Variants in ATP6V0E1 observed in about 807,000 individuals in gnomAD.
ATP6V0E1 encodes V-type proton ATPase subunit e 1.
A neutral mutation model predicts 11.6 loss-of-function variants in ATP6V0E1; 4 were observed. That is an observed-to-expected ratio of 0.35 (90% CI 0.17 to 0.79). ATP6V0E1 has a LOEUF of 0.79. Ranked by LOEUF, ATP6V0E1 falls within the 30% of genes least tolerant of loss-of-function variation. ATP6V0E1 has a pLI of 0.54. For missense variants in ATP6V0E1, 105 were observed against 100.0 expected (o/e 1.05, Z -0.21); for synonymous variants, 36 against 34.8 (o/e 1.04, Z -0.13).
chr5:172,992,016 T>G (rs77509839), intron 1 of ATP6V0E1, among the ~76,000 whole-genome samples: 1 of 135,904 alleles, frequency 7.4e-6, no homozygotes, highest in Non-Finnish European at 1.5e-5. Context: ...CTGTCTGTCT[T>G]TCTGTCTTTC....
chr5:172,999,918 A>C (rs1756125960), intron 2 of ATP6V0E1, among the ~76,000 whole-genome samples: 1 of 152,162 alleles, frequency 6.6e-6, no homozygotes, highest in African/African-American at 2.4e-5. Flanking sequence ...ATGATATCTG[A>C]GTGAAAAATG....
chr5:173,027,728 A>G (rs1448823797), intron 3 of ATP6V0E1, among the ~76,000 whole-genome samples: 2 of 152,128 alleles, frequency 1.3e-5, no homozygotes, highest in Non-Finnish European at 2.9e-5. Context: ...TGCTGGGATT[A>G]CAGGCATGAG....
At chr5:173,019,521 T>G (rs1756449957) in intron 2 of ATP6V0E1, among the ~76,000 whole-genome samples, 1 of 151,384 alleles carries the variant, frequency 6.6e-6, no homozygotes, top group Non-Finnish European at 1.5e-5. Context: ...ACCACTGCAG[T>G]CTGGACTGGG....
intron 3 of ATP6V0E1, among the ~76,000 whole-genome samples, chr5:173,031,753 G>A (rs1188381647): frequency 2.0e-5 from 3 of 151,484 alleles, no homozygotes; most frequent in Non-Finnish European, 4.4e-5. Context: ...TGGGAGGCAG[G>A]GCTTGCAGTG....
At chr5:173,021,293 A>ATCTGTG (rs1175414352) in intron 3 of ATP6V0E1, among the ~76,000 whole-genome samples, 3 of 151,842 alleles carry the variant, frequency 2.0e-5, no homozygotes, top group African/African-American at 7.3e-5. Context: ...AGACATACCC[A>ATCTGTG]AGACTGGGTA....
Position 172,983,910 on chromosome 5 carries a change from G to A in ATP6V0E1, c.50G>A (p.Trp17Ter). The A allele has an allele frequency of 8.1e-6, 13 of 1,613,520 alleles. No individual in the cohort carries two copies. Among genetic ancestry groups the A allele is most frequent in the Non-Finnish European group, 1.1e-5 (13 of 1,179,818 alleles). ...CCTCTCATTGTGATGAGCGTGTTCT[G>A]GGGCTTCGTCGGCTTCTTGGTGCCT... ...TVPLIVMSVF[W>*]GFVGFLVPWF... is the part of the protein sequence containing the mutation. The change falls in exon 1 of 4, where the codon TGG becomes TAG. Residue 17 changes from tryptophan to a stop codon, truncating the protein, a stop_gained. Coordinates refer to ENST00000519374, the MANE Select transcript of ATP6V0E1 (RefSeq NM_003945.4). LOFTEE classifies it high-confidence loss of function.
chr5:173,027,501 CA>C (rs376278744), intron 3 of ATP6V0E1, among the ~76,000 whole-genome samples: 3,025 of 139,036 alleles, frequency 0.022, 40 homozygotes, highest in Non-Finnish European at 0.033. Context: ...GACTCCGTCT[CA>C]AAAAAAAAAA....
chr5:173,005,451 C>T (rs967323994), intron 2 of ATP6V0E1, among the ~76,000 whole-genome samples: 4 of 152,200 alleles, frequency 2.6e-5, no homozygotes, highest in African/African-American at 7.2e-5. Context: ...TGGGCTCAAA[C>T]GATCTGCCTG....
chr5:172,993,572 G>A lies in ATP6V0E1; in HGVS notation c.105-1203G>A, dbSNP rs190962128. On this transcript the variant is annotated intron_variant, in intron 1 of 3. Coordinates refer to ENST00000519374, the MANE Select transcript of ATP6V0E1 (RefSeq NM_003945.4). ...AAAAATAAAGAAAAATAAGAGTTCT[G>A]GGCCAGGTGTGGTGGCTCACACCAG... 5.2e-3 allele frequency among the ~76,000 whole-genome samples: 785 copies of A among 151,428 alleles called. 10 individuals carry two copies. The highest frequency in any genetic ancestry group is 0.018 in the African/African-American group (732 of 41,250).
chr5:172,986,408 G>A (rs1755898148), intron 1 of ATP6V0E1, among the ~76,000 whole-genome samples: 1 of 152,206 alleles, frequency 6.6e-6, no homozygotes, highest in African/African-American at 2.4e-5. Flanking sequence ...AGCCGGACAA[G>A]AGGATTGCTT....
At chr5:173,004,357 T>C (rs1756199218) in intron 2 of ATP6V0E1, among the ~76,000 whole-genome samples, 1 of 152,154 alleles carries the variant, frequency 6.6e-6, no homozygotes, top group Non-Finnish European at 1.5e-5. Context: ...CGCCAAAGCC[T>C]GAGGTATCTG....
chr5:173,014,846 C>G (rs1006771107), intron 2 of ATP6V0E1, among the ~76,000 whole-genome samples: 2 of 152,124 alleles, frequency 1.3e-5, no homozygotes, highest in East Asian at 3.9e-4. Context: ...AATAGGGTGA[C>G]TATACTCAGC....
chr5:172,988,589 C>T (rs1400403365), intron 1 of ATP6V0E1, among the ~76,000 whole-genome samples: 1 of 152,094 alleles, frequency 6.6e-6, no homozygotes, highest in Non-Finnish European at 1.5e-5. Flanking sequence ...AAAAAGGAAA[C>T]ATTAAAGCCG....
intron 3 of ATP6V0E1, among the ~76,000 whole-genome samples, chr5:173,031,291 C>T (rs1335392518): frequency 1.3e-5 from 2 of 150,794 alleles, no homozygotes; most frequent in East Asian, 2.0e-4. Context: ...ATCATGTTGT[C>T]CAGGCTGTTC....
chr5:173,030,658 C>G (rs1756635742), intron 3 of ATP6V0E1, among the ~76,000 whole-genome samples: 1 of 151,692 alleles, frequency 6.6e-6, no homozygotes, highest in Admixed American at 6.6e-5. Context: ...CCAGGCTGGT[C>G]TTGAACTCCT....
chr5:173,027,708 C>G (rs1247969327), intron 3 of ATP6V0E1, among the ~76,000 whole-genome samples: 4 of 152,086 alleles, frequency 2.6e-5, no homozygotes, highest in Non-Finnish European at 4.4e-5. Context: ...CCCACCTTGG[C>G]TTCTCGAAGT....
At position 172,983,964 on chromosome 5, in the gene ATP6V0E1, G is replaced by T; in HGVS notation, c.104G>T (p.Gly35Val). The change falls in exon 1 of 4, where the codon GGA (glycine) becomes GTA (valine). Residue 35 changes from glycine (G) to valine (V), a missense_variant and splice_region_variant. Physicochemically the swap from Gly to Val is moderately radical, Grantham distance 109. Coordinates refer to ENST00000519374, the MANE Select transcript of ATP6V0E1 (RefSeq NM_003945.4). ...PWFIPKGPNR[G>V]VIITMLVTCS... ...TTCATCCCTAAGGGTCCTAACCGGG[G>T]GTAAGTGCGTGAGGCCCGCCTTGGG... is the stretch of plus-strand genomic sequence containing the variant. 1 of 1,612,416 alleles carries T rather than the reference G, an allele frequency of 6.2e-7. No individual in the cohort carries two copies. Among genetic ancestry groups the T allele is most frequent in the Non-Finnish European group, 8.5e-7 (1 of 1,179,724 alleles).
At chr5:173,034,174 G>T (rs555633283) in intron 3 of ATP6V0E1, among the ~76,000 whole-genome samples, 2 of 152,360 alleles carry the variant, frequency 1.3e-5, no homozygotes, top group Non-Finnish European at 2.9e-5. Flanking sequence ...AACATAGAGT[G>T]TTACTTGTGC....
chr5:173,032,252 TA>T (rs1331265879), intron 3 of ATP6V0E1, among the ~76,000 whole-genome samples: 7 of 122,362 alleles, frequency 5.7e-5, no homozygotes, highest in Admixed American at 1.6e-4. Flanking sequence ...TATTTTATTT[TA>T]TTTATTTATT....
Sources: allele counts gnomAD v4.1 joint callset (sites outside exome capture counted in the v4.1 genomes callset), GRCh38; gene constraint gnomAD v4.1.1; transcripts MANE v1.5; gene names NCBI Gene and HGNC (gene_info 2026-07-23, HGNC 2026-07-21).